Variants in SPOCD1 observed in about 807,000 individuals in gnomAD.
The protein encoded by SPOCD1 is SPOC domain-containing protein 1.
SPOCD1 carries 64 observed loss-of-function variants against 92.2 expected under a neutral mutation model. The observed-to-expected ratio is 0.69, with a 90% confidence interval of 0.57 to 0.86. SPOCD1 has a LOEUF of 0.86. Among genes scored for constraint, SPOCD1 ranks in the 40% least tolerant of loss-of-function variants. SPOCD1 has a pLI of 0.00. For missense variants in SPOCD1, 1,360 were observed against 1,543.1 expected (o/e 0.88, Z 1.99); for synonymous variants, 578 against 619.3 (o/e 0.93, Z 0.99).
chr1:31,803,662 GC>G (rs575593972), intron 2 of SPOCD1, among the ~76,000 whole-genome samples: 44 of 151,870 alleles, frequency 2.9e-4, no homozygotes, highest in Non-Finnish European at 5.7e-4. Flanking sequence ...AATTGTTTGA[GC>G]CGGAGAAGTC....
In SPOCD1 at chr1:31,792,226, A is replaced by G; in HGVS notation, c.2951T>C (p.Leu984Ser). 6.2e-7 allele frequency: 1 copy of G among 1,605,148 alleles called. No individual in the cohort carries two copies. ...FQPLPTRLRP[L>S]GGPGLWALPV... ...GACTAGGCACTCACCTGGGCCCCCC[A>G]AAGGGCGCAGCCTGGTGGGCAGGGG... Residue 984 changes from leucine (L) to serine (S), a missense_variant, in exon 15 of 16, where the codon TTG becomes TCG. Leu to Ser is a moderately radical substitution (Grantham distance 145). Coordinates refer to ENST00000360482, the MANE Select transcript of SPOCD1 (RefSeq NM_144569.7).
Position 31,798,416 on chromosome 1 carries a change from G to A in SPOCD1, c.2028+26C>T, listed in dbSNP as rs377381369. On this transcript the variant is annotated intron_variant, in intron 8 of 15. Coordinates refer to ENST00000360482, the MANE Select transcript of SPOCD1 (RefSeq NM_144569.7). This position sits in a 1 kb window ranked among gnomAD's most constrained non-coding sequence, Gnocchi z 4.1. Reference sequence around the variant, plus strand: ...GGGCTCTGAGATTCAGAGAGGGGACGCAGCCCAGCCCAAAGCCCTGCTCAC... The same window carrying A: ...GGGCTCTGAGATTCAGAGAGGGGACACAGCCCAGCCCAAAGCCCTGCTCAC... 3.6e-5 allele frequency: 57 copies of A among 1,593,814 alleles called. No homozygotes were observed. Among genetic ancestry groups the A allele is most frequent in the Non-Finnish European group, 4.7e-5 (55 of 1,168,502 alleles).
intron 12 of SPOCD1, 33 bp from the exon 13 acceptor site, chr1:31,793,461 G>A (rs773591779): frequency 3.8e-6 from 6 of 1,567,402 alleles, no homozygotes; most frequent in Admixed American, 1.9e-5. Flanking sequence ...GGGCCAGACA[G>A]AGCAGGCCAT....
At chr1:31,808,958 G>A (rs910188111) in intron 2 of SPOCD1, among the ~76,000 whole-genome samples, 1 of 152,202 alleles carries the variant, frequency 6.6e-6, no homozygotes, top group South Asian at 2.1e-4. Flanking sequence ...CATTTTGGGA[G>A]GCCGAGGATC....
chr1:31,797,900 G>A (rs778626054), intron 9 of SPOCD1, among the ~76,000 whole-genome samples: 21 of 152,074 alleles, frequency 1.4e-4, no homozygotes, highest in Non-Finnish European at 2.8e-4. Context: ...TCAGGACTCC[G>A]GACTCTAGGT....
In SPOCD1 at chr1:31,790,892, T is replaced by C. The variant is rs1570140588; in HGVS notation, c.3362A>G (p.Gln1121Arg). ...WPPEPGLRQS[Q>R]HPYSVAPAGH... The stretch of plus-strand genomic sequence containing the variant: ...AGCTGGTGCTACTGAATAGGGATGC[T>C]GGGACTGGCGCAAGCCTGGCTCTGG... Residue 1121 changes from glutamine (Q) to arginine (R), a missense_variant, in exon 16 of 16, where the codon CAG (glutamine) becomes CGG (arginine). Gln to Arg is a conservative substitution (Grantham distance 43, BLOSUM62 1). This residue lies in a region of SPOCD1 where 614 missense variants were observed against 757.8 expected (regional missense o/e 0.81). Coordinates refer to ENST00000360482, the MANE Select transcript of SPOCD1 (RefSeq NM_144569.7). 6.3e-7 allele frequency: 1 copy of C among 1,583,810 alleles called. No homozygotes were observed. Among genetic ancestry groups the C allele is most frequent in the Non-Finnish European group, 8.6e-7 (1 of 1,165,380 alleles).
At chr1:31,802,521 C>T (rs1420324964) in intron 2 of SPOCD1, among the ~76,000 whole-genome samples, 3 of 152,014 alleles carry the variant, frequency 2.0e-5, no homozygotes, top group African/African-American at 7.3e-5. Flanking sequence ...TGGAAAGATT[C>T]ATGGAAAGAT....
intron 2 of SPOCD1, among the ~76,000 whole-genome samples, chr1:31,805,495 G>A (rs1648762586): frequency 6.6e-6 from 1 of 152,152 alleles, no homozygotes; most frequent in East Asian, 1.9e-4. Context: ...GGAAGCTGAG[G>A]TGTGAGGATT....
At position 31,799,425 on chromosome 1, in the gene SPOCD1, G is replaced by C. The variant is rs1196859706; in HGVS notation, c.1844C>G (p.Ser615Cys). 4 of 1,611,370 alleles carry C rather than the reference G, an allele frequency of 2.5e-6. No homozygotes were observed. The highest frequency in any genetic ancestry group is 3.4e-6 in the Non-Finnish European group (4 of 1,178,986). ...CCGAGTCCATAGTACCTCCTGCATG[G>C]AACGGACAACAGTGCCCCGCACCCC... ...YIGVRGTVVR[S>C]MQEVLWTRLR... is the part of the protein sequence containing the mutation. The change falls in exon 7 of 16, where the codon TCC (serine) becomes TGC (cysteine). Residue 615 changes from serine to cysteine, a missense_variant. Coordinates refer to ENST00000360482, the MANE Select transcript of SPOCD1 (RefSeq NM_144569.7).
At position 31,801,689 on chromosome 1, in the gene SPOCD1, G is replaced by T; in HGVS notation, c.1400C>A (p.Pro467His). 6.2e-7 allele frequency: 1 copy of T among 1,613,754 alleles called. No homozygotes were observed. Residue 467 changes from proline to histidine, a missense_variant, in exon 3 of 16, where the codon CCC (proline) becomes CAC (histidine). Coordinates refer to ENST00000360482, the MANE Select transcript of SPOCD1 (RefSeq NM_144569.7). ...GCPRLEEVKI[P>H]HGVKLVCYLG... ...GTAGCACACAAGCTTCACTCCATGG[G>T]GTATTTTCACTTCCTCCTTGGAGAG...
chr1:31,798,357 G>A lies in SPOCD1; in HGVS notation c.2029-34C>T, dbSNP rs1408717581. 1.7e-5 allele frequency: 27 copies of A among 1,599,104 alleles called. No homozygotes were observed. Among genetic ancestry groups the A allele is most frequent in the Non-Finnish European group, 1.9e-5 (22 of 1,170,678 alleles). ...GGCAGGGGGCAGGGCTGCACCACAC[G>A]CTGAAAGAGCTCCCCCACCCTAGCA... On this transcript the variant is annotated intron_variant, in intron 8 of 15. Transcript: ENST00000360482. The surrounding 1 kb of genome is among the most constrained non-coding windows in gnomAD (Gnocchi z 4.1).
At chr1:31,813,074 G>A (rs538517415) in intron 2 of SPOCD1, among the ~76,000 whole-genome samples, 1 of 152,252 alleles carries the variant, frequency 6.6e-6, no homozygotes, top group East Asian at 1.9e-4. Flanking sequence ...GTGATATAGG[G>A]AACATGGCTG....
At chr1:31,796,838 A>G (rs1000021424) in intron 9 of SPOCD1, 123 bp from the exon 10 acceptor site, 18 of 1,361,498 alleles carry the variant, frequency 1.3e-5, no homozygotes, top group Non-Finnish European at 1.6e-5. Context: ...CAAAACTTTT[A>G]CTTCCGCCAT....
chr1:31,806,063 A>T (rs2149112662), intron 2 of SPOCD1, among the ~76,000 whole-genome samples: 1 of 152,172 alleles, frequency 6.6e-6, no homozygotes, highest in African/African-American at 2.4e-5. Context: ...AGGAAGCTAT[A>T]ACAACTCTAA....
chr1:31,792,095 G>T, intron 15 of SPOCD1, 120 bp downstream of exon 15: 3 of 1,113,844 alleles, frequency 2.7e-6, no homozygotes, highest in South Asian at 1.6e-5. Context: ...CATTTGCCTG[G>T]CTGGGTGAGG....
chr1:31,798,614 G>A lies in SPOCD1; in HGVS notation c.1869-13C>T. The A allele has an allele frequency of 4.3e-6, 7 of 1,609,932 alleles. No individual in the cohort carries two copies. Among genetic ancestry groups the A allele is most frequent in the Non-Finnish European group, 5.9e-6 (7 of 1,178,688 alleles). ...GAGCTCCCGAAGGCTGTGGAGGCCA[G>A]GGCAGGGCGGGGGCACTGAGCCCAG... On this transcript the variant is annotated splice_polypyrimidine_tract_variant and intron_variant, in intron 7 of 15. Coordinates refer to ENST00000360482, the MANE Select transcript of SPOCD1 (RefSeq NM_144569.7). This position sits in a 1 kb window ranked among gnomAD's most constrained non-coding sequence, Gnocchi z 4.1.
intron 15 of SPOCD1, 124 bp downstream of exon 15, chr1:31,792,091 C>T (rs1210954156): frequency 9.4e-7 from 1 of 1,069,392 alleles, no homozygotes. Flanking sequence ...CTCACATTTG[C>T]CTGGCTGGGT....
chr1:31,812,148 C>T (rs1649241663), intron 2 of SPOCD1, among the ~76,000 whole-genome samples: 1 of 152,106 alleles, frequency 6.6e-6, no homozygotes, highest in African/African-American at 2.4e-5. Flanking sequence ...ATCCTCACCA[C>T]CTCCCTAGGA....
intron 10 of SPOCD1, chr1:31,796,130 T>C: frequency 3.8e-6 from 1 of 264,198 alleles, no homozygotes; most frequent in Non-Finnish European, 7.5e-6. Context: ...GAGGACAAGT[T>C]CCAGGAGGCC....
Sources: gnomAD v4.1 joint callset for allele counts (sites outside exome capture counted in the v4.1 genomes callset) on GRCh38, gnomAD v4.1.1 for gene constraint, gnomAD v4.1.1 regional missense constraint, Gnocchi (gnomAD v3.1) non-coding constraint, MANE v1.5 for transcripts, NCBI Gene and HGNC (gene_info 2026-07-23, HGNC 2026-07-21) for gene names.